ROBO1: variants seen among roughly 807,000 people sequenced by gnomAD.
ROBO1 encodes roundabout homolog 1.
A neutral mutation model predicts 195.9 loss-of-function variants in ROBO1; 149 were observed. That is an observed-to-expected ratio of 0.76 (90% confidence interval 0.67 to 0.87). The LOEUF (loss-of-function observed/expected upper bound fraction) is 0.87, where lower values mean the gene tolerates loss of function less well. ROBO1 is among the 40% of genes least tolerant of loss of function. ROBO1 has a pLI of 0.00. For synonymous variants in ROBO1, 816 were observed against 733.2 expected (o/e 1.11, Z -1.82); for missense variants, 1,933 against 2,068.3 (o/e 0.93, Z 1.27).
intron 4 of ROBO1, among the ~76,000 whole-genome samples, chr3:78,788,372 C>A (rs2083910195): frequency 6.7e-6 from 1 of 149,072 alleles, no homozygotes. Context: ...CCCGCCTCGG[C>A]CTCCCAAAGT....
rs138714718 is a variant in ROBO1 at position 79,513,084 on chromosome 3, C to T, written c.88+76740G>A. On this transcript the variant is annotated intron_variant, in intron 2 of 30. Transcript: ENST00000464233. ...TACTGATCTGTGAAATTCTAGGAGA[C>T]GATAGAAAACCCCATGGAAGATAAC... Among the ~76,000 whole-genome samples, 266 of 151,898 alleles carry T rather than the reference C, an allele frequency of 1.8e-3. 1 individual carries two copies. Among genetic ancestry groups the T allele is most frequent in the African/African-American group, 5.3e-3 (221 of 41,444 alleles).
intron 2 of ROBO1, among the ~76,000 whole-genome samples, chr3:79,292,636 C>T (rs984476083): frequency 2.6e-5 from 4 of 152,016 alleles, no homozygotes; most frequent in South Asian, 2.1e-4. Flanking sequence ...GAGACAAATA[C>T]GTGTTTTTTT....
chr3:79,018,703 G>A, intron 3 of ROBO1: 1 of 1,338,190 alleles, frequency 7.5e-7, no homozygotes, highest in Non-Finnish European at 9.6e-7. Context: ...TTTCCGAGGA[G>A]GCTCAGACAC....
At chr3:79,292,794 A>T (rs1451764532) in intron 2 of ROBO1, among the ~76,000 whole-genome samples, 3 of 151,958 alleles carry the variant, frequency 2.0e-5, no homozygotes, top group South Asian at 4.2e-4. Context: ...TTTATTGAGG[A>T]TTTTTGCATT....
At chr3:78,733,012 G>A (rs984585708) in intron 5 of ROBO1, among the ~76,000 whole-genome samples, 2 of 152,016 alleles carry the variant, frequency 1.3e-5, no homozygotes, top group Non-Finnish European at 2.9e-5. Context: ...AAATTCTTTG[G>A]TTTTAAGGAG....
rs1702376508 is a variant in ROBO1, at chr3:79,713,937, T to C, written c.-51+53815A>G. ...GGCATTATTTCTGAGGGCTCTGTTC[T>C]GTTCCATTGGTCTATATCTCTGTTT... On this transcript the variant is annotated intron_variant, in intron 1 of 30. Coordinates refer to ENST00000464233, the MANE Select transcript of ROBO1 (RefSeq NM_002941.4). Among the ~76,000 whole-genome samples the C allele has an allele frequency of 4.6e-5, 7 of 152,286 alleles. No individual in the cohort carries two copies. In the South Asian group the frequency reaches 1.0e-3, roughly 23 times the overall value.
chr3:79,273,879 AC>A (rs2030790359), intron 2 of ROBO1, among the ~76,000 whole-genome samples: 1 of 152,004 alleles, frequency 6.6e-6, no homozygotes, highest in African/African-American at 2.4e-5. Context: ...TATAATGCTA[AC>A]TATAATACTA....
chr3:78,878,051 T>C (rs1378618154), intron 4 of ROBO1, among the ~76,000 whole-genome samples: 1 of 152,268 alleles, frequency 6.6e-6, no homozygotes, highest in South Asian at 2.1e-4. Flanking sequence ...CAATTTTCAC[T>C]AAGGATTTCT....
At chr3:79,757,415 A>G (rs1174810530) in intron 1 of ROBO1, among the ~76,000 whole-genome samples, 2 of 152,100 alleles carry the variant, frequency 1.3e-5, no homozygotes, top group Non-Finnish European at 2.9e-5. Context: ...AGGACAAAAC[A>G]GCTCTATAAG....
chr3:79,491,681 C>T (rs1490215659), intron 2 of ROBO1, among the ~76,000 whole-genome samples: 1 of 151,984 alleles, frequency 6.6e-6, no homozygotes, highest in Non-Finnish European at 1.5e-5. Context: ...TAGAGTAGTA[C>T]ATTTTGAATT....
At chr3:79,289,085 T>G (rs1435943826) in intron 2 of ROBO1, among the ~76,000 whole-genome samples, 1 of 146,104 alleles carries the variant, frequency 6.8e-6, no homozygotes, top group Non-Finnish European at 1.5e-5. Flanking sequence ...TAAGTCCAGG[T>G]GAAATCATTT....
At chr3:79,679,541 A>C (rs1306933907) in intron 1 of ROBO1, among the ~76,000 whole-genome samples, 1 of 152,028 alleles carries the variant, frequency 6.6e-6, no homozygotes, top group Non-Finnish European at 1.5e-5. Context: ...TAAAAACTAA[A>C]TTTTTTAAAT....
At chr3:79,719,943 A>C (rs1032016520) in intron 1 of ROBO1, among the ~76,000 whole-genome samples, 1 of 152,222 alleles carries the variant, frequency 6.6e-6, no homozygotes, top group African/African-American at 2.4e-5. Context: ...TCCTTTTGGT[A>C]GTTGGGTAAA....
Position 78,631,254 on chromosome 3 carries a change from C to T in ROBO1, c.3533G>A (p.Gly1178Asp), listed in dbSNP as rs1705168502. The change falls in exon 25 of 31, where the codon GGT becomes GAT. Residue 1178 changes from glycine (G) to aspartate (D), a missense_variant. Coordinates refer to ENST00000464233, the MANE Select transcript of ROBO1 (RefSeq NM_002941.4). ...AAGCAGGTCTGCCCAGTTCATGCCA[C>T]CCTGTTTTGGTACCTTGGGTGTTCT... ...GARTPKVPKQ[G>D]GMNWADLLPP... 1.2e-6 allele frequency: 2 copies of T among 1,613,528 alleles called. No homozygotes were observed. Among genetic ancestry groups the T allele is most frequent in the Non-Finnish European group, 1.7e-6 (2 of 1,179,706 alleles).
intron 3 of ROBO1, among the ~76,000 whole-genome samples, chr3:79,062,101 T>C (rs2078929258): frequency 6.6e-6 from 1 of 151,888 alleles, no homozygotes; most frequent in African/African-American, 2.4e-5. Context: ...AATCTACCCA[T>C]CTCACAAAGG....
At chr3:78,671,289 A>G (rs1468806476) in intron 10 of ROBO1, among the ~76,000 whole-genome samples, 2 of 152,086 alleles carry the variant, frequency 1.3e-5, no homozygotes, top group Non-Finnish European at 2.9e-5. Context: ...ATTTATATGA[A>G]ACTCTATAGT....
At chr3:79,367,777 T>C (rs113480470) in intron 2 of ROBO1, among the ~76,000 whole-genome samples, 205 of 152,340 alleles carry the variant, frequency 1.3e-3, no homozygotes, top group African/African-American at 4.6e-3. Context: ...TCACAATTTG[T>C]AATTAAGTAT....
At chr3:79,168,653 T>C (rs2081112351) in intron 2 of ROBO1, among the ~76,000 whole-genome samples, 1 of 152,152 alleles carries the variant, frequency 6.6e-6, no homozygotes, top group South Asian at 2.1e-4. Context: ...TCCCAAACTC[T>C]TCAATATCTC....
chr3:79,419,419 C>T (rs2038134837), intron 2 of ROBO1, among the ~76,000 whole-genome samples: 1 of 152,038 alleles, frequency 6.6e-6, no homozygotes, highest in South Asian at 2.1e-4. Context: ...TTAAGCAGAG[C>T]CGTGGGTTGT....
Sources: gnomAD v4.1 joint callset for allele counts (sites outside exome capture counted in the v4.1 genomes callset) on GRCh38, gnomAD v4.1.1 for gene constraint, MANE v1.5 for transcripts, NCBI Gene and HGNC (gene_info 2026-07-23, HGNC 2026-07-21) for gene names.